Variants in ZMYND11 observed in about 807,000 individuals in gnomAD.
ZMYND11 encodes zinc finger MYND domain-containing protein 11.
In ZMYND11, 9 loss-of-function variants were observed where a neutral mutation model predicts 84.9. The observed-to-expected ratio is 0.11, with a 90% CI of 0.06 to 0.18. The LOEUF (loss-of-function observed/expected upper bound fraction) is 0.18. ZMYND11 is among the 10% of genes least tolerant of loss of function. The pLI, the probability that ZMYND11 is intolerant of heterozygous loss-of-function variation, is 1.00. For missense variants in ZMYND11, 409 were observed against 761.0 expected, an observed-to-expected ratio of 0.54 and a Z score of 5.44; for synonymous variants, 250 against 244.1, an observed-to-expected ratio of 1.02 and a Z score of -0.23.
chr10:236,819 A>G lies in ZMYND11; in HGVS notation c.439-19A>G. On this transcript the variant is annotated intron_variant, in intron 4 of 14. Transcript: ENST00000381604. ...ATGATCAGATTTTGTACCTTTTTTT[A>G]TTCTTTTTTTTTCAATAGAGCATTA... The G allele has an allele frequency of 6.3e-7, 1 of 1,596,572 alleles. No individual in the cohort carries two copies.
intron 1 of ZMYND11, among the ~76,000 whole-genome samples, chr10:172,957 A>G (rs1430008340): frequency 6.6e-6 from 1 of 152,110 alleles, no homozygotes; most frequent in African/African-American, 2.4e-5. Flanking sequence ...AACTTTTACC[A>G]AGGAGCAGAG....
chr10:170,437 T>TGC, intron 1 of ZMYND11, among the ~76,000 whole-genome samples: 1 of 136,642 alleles, frequency 7.3e-6, no homozygotes, highest in East Asian at 2.2e-4. Flanking sequence ...TGTGCGTGTG[T>TGC]GTGTGTGTGT....
At chr10:250,441 G>A (rs1382658249) in intron 14 of ZMYND11, among the ~76,000 whole-genome samples, 3 of 152,188 alleles carry the variant, frequency 2.0e-5, no homozygotes. Context: ...GTTGCAGAGA[G>A]GTGTCATTGC....
At chr10:197,949 T>C (rs2131029455) in intron 2 of ZMYND11, 1 of 655,230 alleles carries the variant, frequency 1.5e-6, no homozygotes, top group African/African-American at 1.8e-5. Flanking sequence ...CTATGGTGAT[T>C]TTTACATCAT....
chr10:218,407 G>A (rs1205391407), intron 3 of ZMYND11: 1 of 249,336 alleles, frequency 4.0e-6, no homozygotes. Context: ...CTGACATTTA[G>A]CAAAGTTAAG....
chr10:158,176 C>T (rs1381639635), intron 1 of ZMYND11, among the ~76,000 whole-genome samples: 2 of 152,034 alleles, frequency 1.3e-5, no homozygotes, highest in African/African-American at 4.8e-5. Context: ...AGTAATACTG[C>T]GTGGATGTAC....
In ZMYND11 at chr10:162,471, G is replaced by A. The variant is rs1389786439; in HGVS notation, c.-19-17523G>A. Among the ~76,000 whole-genome samples, 6 of 151,724 alleles carry A rather than the reference G, an allele frequency of 4.0e-5. No homozygotes were observed. The South Asian group carries it at 1.0e-3, about 26-fold the overall frequency. On this transcript the variant is annotated intron_variant, in intron 1 of 14. Coordinates refer to ENST00000381604, the MANE Select transcript of ZMYND11 (RefSeq NM_001370100.5). Reference sequence around the variant, plus strand: ...TTTTTTTTAAAGAAGCAATACTTGCGGAGCACAATAAAGCAACTTGTAAAA... The same window carrying A: ...TTTTTTTTAAAGAAGCAATACTTGCAGAGCACAATAAAGCAACTTGTAAAA...
chr10:236,739 T>C lies in ZMYND11; in HGVS notation c.439-99T>C, dbSNP rs1296712417. Reference sequence around the variant, plus strand: ...AAAAAGAGCACTTTTAGTAAACTCTTTGCATACTATCTAAGTGTTTCATAT... The same window carrying C: ...AAAAAGAGCACTTTTAGTAAACTCTCTGCATACTATCTAAGTGTTTCATAT... On this transcript the variant is annotated intron_variant, in intron 4 of 14. Transcript: ENST00000381604. 16 of 1,016,866 alleles carry C rather than the reference T, an allele frequency of 1.6e-5. No homozygotes were observed. In the East Asian group the frequency reaches 4.3e-4, roughly 27 times the overall value. 63.0% of individuals were successfully genotyped at this position (1,016,866 alleles called of 1,614,324 possible).
intron 1 of ZMYND11, among the ~76,000 whole-genome samples, chr10:162,283 A>C (rs2131510163): frequency 6.6e-6 from 1 of 152,328 alleles, no homozygotes; most frequent in Middle Eastern, 3.4e-3. Context: ...AGTAACAGCA[A>C]AGATCACTGA....
At chr10:133,675 A>C (rs1002805559), upstream of ZMYND11, among the ~76,000 whole-genome samples, 5 of 152,186 alleles carry the variant, frequency 3.3e-5, no homozygotes, top group Non-Finnish European at 4.4e-5. Flanking sequence ...ACTGTTTAAA[A>C]AGGTGACTCA....
intron 1 of ZMYND11, among the ~76,000 whole-genome samples, chr10:144,044 GTTTT>G (rs1222638119): frequency 6.7e-6 from 1 of 149,556 alleles, no homozygotes; most frequent in Non-Finnish European, 1.5e-5. Context: ...TCATTTGAAA[GTTTT>G]TTTTTAATAT....
At chr10:238,355 TTTC>T (rs953976064) in intron 6 of ZMYND11, among the ~76,000 whole-genome samples, 5 of 149,500 alleles carry the variant, frequency 3.3e-5, no homozygotes, top group Non-Finnish European at 5.9e-5. Flanking sequence ...ATCTTACAAG[TTTC>T]TTTTCTTTTT....
At chr10:229,610 G>A (rs923930608) in intron 4 of ZMYND11, among the ~76,000 whole-genome samples, 2 of 152,138 alleles carry the variant, frequency 1.3e-5, no homozygotes, top group African/African-American at 4.8e-5. Flanking sequence ...TTAGTGTGAT[G>A]TACTGTTCTT....
intron 2 of ZMYND11, among the ~76,000 whole-genome samples, chr10:193,661 A>G (rs949928107): frequency 2.6e-5 from 4 of 152,184 alleles, no homozygotes; most frequent in African/African-American, 9.7e-5. Context: ...CTGTAAACTA[A>G]TGACCTGTGC....
chr10:170,385 A>G (rs1366933303), intron 1 of ZMYND11, among the ~76,000 whole-genome samples: 2 of 151,694 alleles, frequency 1.3e-5, no homozygotes, highest in Admixed American at 1.3e-4. Flanking sequence ...ACTAACAGAT[A>G]ATTTTTTCGA....
intron 1 of ZMYND11, among the ~76,000 whole-genome samples, chr10:168,948 T>G (rs1844650655): frequency 6.6e-6 from 1 of 152,128 alleles, no homozygotes; most frequent in Non-Finnish European, 1.5e-5. Context: ...GCCACAGTTT[T>G]GAGTTTTTAC....
chr10:171,401 C>T (rs1845290472), intron 1 of ZMYND11, among the ~76,000 whole-genome samples: 2 of 152,128 alleles, frequency 1.3e-5, no homozygotes. Flanking sequence ...CATTCACCAA[C>T]ATAGACCACA....
At chr10:192,197 T>A (rs1341707881) in intron 2 of ZMYND11, among the ~76,000 whole-genome samples, 1 of 152,194 alleles carries the variant, frequency 6.6e-6, no homozygotes, top group East Asian at 1.9e-4. Context: ...GCACTACATA[T>A]TCCAGTTATA....
At chr10:190,369 G>A (rs569741510) in intron 2 of ZMYND11, among the ~76,000 whole-genome samples, 7 of 152,036 alleles carry the variant, frequency 4.6e-5, no homozygotes, top group South Asian at 2.1e-4. Flanking sequence ...TTGCTGTCTC[G>A]CCCTGCCTCT....
Sources: gnomAD v4.1 joint callset for allele counts (sites outside exome capture counted in the v4.1 genomes callset) on GRCh38, gnomAD v4.1.1 for gene constraint, MANE v1.5 for transcripts, NCBI Gene and HGNC (gene_info 2026-07-23, HGNC 2026-07-21) for gene names.